The following ZCCHC7 variants were observed in gnomAD, a reference collection of about 807,000 sequenced individuals.
ZCCHC7 encodes the protein zinc finger CCHC domain-containing protein 7.
ZCCHC7 carries 35 observed loss-of-function variants against 52.0 expected under a neutral mutation model. The observed-to-expected ratio is 0.67, with a 90% CI of 0.51 to 0.89. The LOEUF (loss-of-function observed/expected upper bound fraction) is 0.89, where lower values mean the gene tolerates loss of function less well. ZCCHC7 is among the 40% of genes least tolerant of loss of function. The pLI is 0.00. For synonymous variants in ZCCHC7, 217 were observed against 221.5 expected (o/e 0.98, Z 0.18); for missense variants, 574 against 649.1 (o/e 0.88, Z 1.26).
intron 8 of ZCCHC7, among the ~76,000 whole-genome samples, chr9:37,356,599 T>A (rs1012046049): frequency 1.3e-5 from 2 of 152,240 alleles, no homozygotes; most frequent in Non-Finnish European, 2.9e-5. Context: ...TCTCCATTGC[T>A]TAACCTTGTT....
chr9:37,215,848 A>T (rs898579727), intron 2 of ZCCHC7, among the ~76,000 whole-genome samples: 1 of 152,210 alleles, frequency 6.6e-6, no homozygotes, highest in Non-Finnish European at 1.5e-5. Context: ...TACTGCACAC[A>T]TATAAATCAA....
At chr9:37,289,595 T>C (rs1456608922) in intron 2 of ZCCHC7, among the ~76,000 whole-genome samples, 1 of 152,234 alleles carries the variant, frequency 6.6e-6, no homozygotes, top group Admixed American at 6.5e-5. Context: ...TGCAGTAACA[T>C]TCTAACTGAT....
intron 2 of ZCCHC7, among the ~76,000 whole-genome samples, chr9:37,164,239 C>T (rs914949780): frequency 1.3e-5 from 2 of 151,926 alleles, no homozygotes; most frequent in East Asian, 1.9e-4. Context: ...GTCAGGAGTT[C>T]GAGACCAGCC....
intron 2 of ZCCHC7, among the ~76,000 whole-genome samples, chr9:37,286,088 C>A (rs1009559010): frequency 3.9e-5 from 6 of 152,022 alleles, no homozygotes; most frequent in African/African-American, 1.5e-4. Context: ...TCATGTGGTA[C>A]ATGATGAAAT....
Position 37,358,036 on chromosome 9 carries a change from C to T in ZCCHC7, c.*768C>T, listed in dbSNP as rs1429499277. The T allele has an allele frequency of 2.0e-5, 3 of 152,084 alleles. No individual in the cohort carries two copies. Among genetic ancestry groups the T allele is most frequent in the African/African-American group, 7.2e-5 (3 of 41,426 alleles). 9.4% of individuals were successfully genotyped at this position (152,084 alleles called of 1,614,324 possible). A position where few individuals can be genotyped will look rare whatever the true frequency, so the allele number is the denominator to read the frequency against. On this transcript the variant is annotated 3_prime_UTR_variant, in exon 9 of 9. Coordinates refer to ENST00000336755, the MANE Select transcript of ZCCHC7 (RefSeq NM_032226.3). ...ATTACTCAAAAAATTTTTTTGTTCT[C>T]TTGCATTTTTTTCAACTACCGCAAA...
rs184326207 is a variant in ZCCHC7, at chr9:37,321,190, G to A, written c.952-6609G>A. On this transcript the variant is annotated intron_variant, in intron 5 of 8. Transcript: ENST00000336755. ...TTTTTAGTAGATATGGGGTTTCATC[G>A]TGTTAGCCAGGATGGTCTTGATCTC... Among the ~76,000 whole-genome samples the A allele has an allele frequency of 9.2e-5, 14 of 151,602 alleles. No individual in the cohort carries two copies. The East Asian group carries it at 1.9e-3, about 21-fold the overall frequency.
chr9:37,184,458 G>A (rs1822541966), intron 2 of ZCCHC7, among the ~76,000 whole-genome samples: 1 of 150,126 alleles, frequency 6.7e-6, no homozygotes, highest in South Asian at 2.1e-4. Flanking sequence ...GGTGCTCTAT[G>A]TTTTACTGAT....
chr9:37,348,016 C>T (rs1290825953), intron 6 of ZCCHC7, among the ~76,000 whole-genome samples: 3 of 152,188 alleles, frequency 2.0e-5, no homozygotes, highest in African/African-American at 4.8e-5. Context: ...TTCAGGGTTC[C>T]TTCCTCAGCC....
chr9:37,282,499 G>A (rs1250546531), intron 2 of ZCCHC7, among the ~76,000 whole-genome samples: 3 of 151,322 alleles, frequency 2.0e-5, no homozygotes, highest in Non-Finnish European at 4.4e-5. Flanking sequence ...CAGCTACTCA[G>A]GAGGCTGGGG....
chr9:37,256,001 T>G (rs1178592896), intron 2 of ZCCHC7, among the ~76,000 whole-genome samples: 1 of 152,182 alleles, frequency 6.6e-6, no homozygotes, highest in East Asian at 1.9e-4. Context: ...TATTTTTAAT[T>G]GACTTCTTCA....
At chr9:37,127,717 T>G (rs999163160) in intron 2 of ZCCHC7, among the ~76,000 whole-genome samples, 1 of 152,236 alleles carries the variant, frequency 6.6e-6, no homozygotes, top group Non-Finnish European at 1.5e-5. Flanking sequence ...TGAAATGCTC[T>G]TTTACTCATA....
At chr9:37,197,413 A>C (rs781299758) in intron 2 of ZCCHC7, among the ~76,000 whole-genome samples, 6 of 152,392 alleles carry the variant, frequency 3.9e-5, no homozygotes, top group Non-Finnish European at 7.3e-5. Flanking sequence ...ATAACAAAGT[A>C]TAAAAAGAAC....
At chr9:37,264,737 G>T (rs1298598557) in intron 2 of ZCCHC7, among the ~76,000 whole-genome samples, 1 of 152,156 alleles carries the variant, frequency 6.6e-6, no homozygotes, top group Non-Finnish European at 1.5e-5. Context: ...GCAGTAACCA[G>T]ATCTTTTTAT....
chr9:37,311,744 A>AT, intron 5 of ZCCHC7, among the ~76,000 whole-genome samples: 1 of 152,300 alleles, frequency 6.6e-6, no homozygotes, highest in South Asian at 2.1e-4. Context: ...AAATGCTCCC[A>AT]TATCAGCCAT....
intron 2 of ZCCHC7, among the ~76,000 whole-genome samples, chr9:37,173,262 T>C (rs1472075979): frequency 6.6e-6 from 1 of 152,236 alleles, no homozygotes; most frequent in Non-Finnish European, 1.5e-5. Flanking sequence ...AGATTTAACA[T>C]GTTTTTTCTG....
chr9:37,139,531 A>C (rs1843132973), intron 2 of ZCCHC7, among the ~76,000 whole-genome samples: 1 of 152,018 alleles, frequency 6.6e-6, no homozygotes, highest in South Asian at 2.1e-4. Context: ...TTGTCTGCTA[A>C]ATGTATAGCT....
intron 2 of ZCCHC7, among the ~76,000 whole-genome samples, chr9:37,247,354 G>C (rs1014874570): frequency 2.0e-5 from 3 of 152,134 alleles, no homozygotes; most frequent in South Asian, 2.1e-4. Flanking sequence ...TTTGAAGAGG[G>C]ACCTGGGTAG....
At chr9:37,263,002 T>C (rs1826937799) in intron 2 of ZCCHC7, among the ~76,000 whole-genome samples, 1 of 152,344 alleles carries the variant, frequency 6.6e-6, no homozygotes, top group East Asian at 1.9e-4. Flanking sequence ...GTTCTTTTCA[T>C]AGAAGATTTT....
chr9:37,321,695 G>A (rs150613858), intron 5 of ZCCHC7, among the ~76,000 whole-genome samples: 319 of 152,236 alleles, frequency 2.1e-3, no homozygotes, highest in African/African-American at 7.5e-3. Flanking sequence ...GAGCCCAGGA[G>A]ATCAGGGCTG....
Sources: gnomAD v4.1 joint callset for allele counts (sites outside exome capture counted in the v4.1 genomes callset) on GRCh38, gnomAD v4.1.1 for gene constraint, MANE v1.5 for transcripts, NCBI Gene and HGNC (gene_info 2026-07-23, HGNC 2026-07-21) for gene names.